The following SARDH variants were observed in gnomAD, a reference collection of about 807,000 sequenced individuals.
SARDH encodes sarcosine dehydrogenase.
A neutral mutation model predicts 109.1 loss-of-function variants in SARDH; 95 were observed. The ratio of observed to expected loss-of-function variants is 0.87; its 90% CI spans 0.74 to 1.03. SARDH has a LOEUF of 1.03. Ranked by LOEUF, SARDH falls within the 50% of genes least tolerant of loss-of-function variation. SARDH has a pLI of 0.00. For missense variants in SARDH, 1,267 were observed against 1,287.8 expected (o/e 0.98, Z 0.25); for synonymous variants, 572 against 534.8 (o/e 1.07, Z -0.96).
rs757458797 is a variant in SARDH, at chr9:133,663,932, G to A, written c.2714C>T (p.Ser905Leu). The A allele has an allele frequency of 1.3e-5, 21 of 1,614,034 alleles. No individual in the cohort carries two copies. The highest frequency in any genetic ancestry group is 2.2e-5 in the East Asian group (1 of 44,894). ...CCTCTTGTTGTTGGGGTCGAAGGGC[G>A]ACTTCAGGTGAGCCTGGGCACCATA... ...VTYGAQAHLK[S>L]PFDPNNKRVK... Residue 905 changes from serine to leucine, a missense_variant, in exon 21 of 21, where the codon TCG becomes TTG. Coordinates refer to ENST00000439388, the MANE Select transcript of SARDH (RefSeq NM_001134707.2).
At chr9:133,730,273 G>C in intron 4 of SARDH, 86 bp from the exon 5 acceptor site, 1 of 1,544,446 alleles carries the variant, frequency 6.5e-7, no homozygotes, top group Non-Finnish European at 8.8e-7. Flanking sequence ...CCTCCTCCCA[G>C]AGGGGAGCTG....
chr9:133,731,930 ACTGTCAGAT>A (rs1304485080), intron 3 of SARDH, among the ~76,000 whole-genome samples: 2 of 152,104 alleles, frequency 1.3e-5, no homozygotes, highest in East Asian at 3.9e-4. Context: ...CCTGTTTCAG[ACTGTCAGAT>A]AGACCACGCC....
downstream of SARDH, among the ~76,000 whole-genome samples, chr9:133,661,761 G>A (rs562503951): frequency 5.9e-5 from 9 of 152,258 alleles, no homozygotes; most frequent in South Asian, 1.2e-3. Context: ...GATTACAGGC[G>A]TCAGTCACTG....
chr9:133,732,732 C>T (rs1348093275), intron 2 of SARDH, 131 bp from the exon 3 acceptor site: 2 of 1,012,190 alleles, frequency 2.0e-6, no homozygotes, highest in African/African-American at 3.3e-5. Context: ...TCTGCAGGAC[C>T]TGGGGGGCCT....
chr9:133,711,931 G>A (rs1440606926), intron 10 of SARDH, among the ~76,000 whole-genome samples: 3 of 152,298 alleles, frequency 2.0e-5, no homozygotes, highest in East Asian at 1.9e-4. Flanking sequence ...CCCCCTTGCC[G>A]GGGAGCGCCT....
intron 16 of SARDH, among the ~76,000 whole-genome samples, chr9:133,688,950 G>A (rs1240368365): frequency 6.6e-6 from 1 of 152,226 alleles, no homozygotes; most frequent in Non-Finnish European, 1.5e-5. Flanking sequence ...GAGCACCACA[G>A]TGCATATGCT....
chr9:133,735,033 C>G (rs1054223251), intron 1 of SARDH, among the ~76,000 whole-genome samples: 1 of 152,078 alleles, frequency 6.6e-6, no homozygotes, highest in Non-Finnish European at 1.5e-5. Flanking sequence ...GAGACACTTG[C>G]GCTCCCAGAC....
At chr9:133,680,555 C>A (rs1285434286) in intron 17 of SARDH, among the ~76,000 whole-genome samples, 2 of 152,238 alleles carry the variant, frequency 1.3e-5, no homozygotes, top group African/African-American at 4.8e-5. Flanking sequence ...GGCCCAGAAC[C>A]TCTGCTCTCC....
chr9:133,684,170 A>G (rs1163160541), intron 17 of SARDH, among the ~76,000 whole-genome samples: 1 of 152,154 alleles, frequency 6.6e-6, no homozygotes, highest in African/African-American at 2.4e-5. Flanking sequence ...CCCCCAGCGG[A>G]CCCTTGGCCA....
At chr9:133,664,536 A>G (rs1829995992) in intron 20 of SARDH, among the ~76,000 whole-genome samples, 1 of 151,924 alleles carries the variant, frequency 6.6e-6, no homozygotes, top group Non-Finnish European at 1.5e-5. Flanking sequence ...CTTAGGCAGG[A>G]GGAGGGTGTC....
intron 6 of SARDH, among the ~76,000 whole-genome samples, chr9:133,729,060 T>C (rs1352313352): frequency 2.4e-5 from 3 of 122,990 alleles, no homozygotes; most frequent in South Asian, 5.5e-4. Flanking sequence ...GGGGGATGGG[T>C]GGAGGGATGA....
chr9:133,667,637 GT>G (rs1292985429), intron 19 of SARDH, among the ~76,000 whole-genome samples: 3 of 151,904 alleles, frequency 2.0e-5, no homozygotes, highest in Non-Finnish European at 4.4e-5. Flanking sequence ...GTAACATTTT[GT>G]TGCCAGTCTG....
At chr9:133,664,689 T>A (rs1480260455) in intron 20 of SARDH, among the ~76,000 whole-genome samples, 1 of 152,204 alleles carries the variant, frequency 6.6e-6, no homozygotes, top group African/African-American at 2.4e-5. Flanking sequence ...AGTCTCGGGC[T>A]CCGCTCTGGG....
intron 16 of SARDH, among the ~76,000 whole-genome samples, chr9:133,687,022 T>G (rs1830909676): frequency 6.6e-6 from 1 of 152,122 alleles, no homozygotes; most frequent in African/African-American, 2.4e-5. Context: ...CTCAGCAACC[T>G]CAGGGGAAGC....
intron 19 of SARDH, among the ~76,000 whole-genome samples, chr9:133,668,310 TCTCCCC>T (rs1830153465): frequency 6.3e-5 from 1 of 15,822 alleles, no homozygotes; most frequent in Admixed American, 5.3e-4. Context: ...TCTCCCTCCC[TCTCCCC>T]CACCCTCCCT....
At chr9:133,682,041 CCA>C (rs1295340349) in intron 17 of SARDH, among the ~76,000 whole-genome samples, 1 of 152,206 alleles carries the variant, frequency 6.6e-6, no homozygotes, top group Non-Finnish European at 1.5e-5. Flanking sequence ...GAAGAACACA[CCA>C]CAGAGTGACC....
Position 133,718,327 on chromosome 9 carries a change from C to T in SARDH, c.1020+611G>A, listed in dbSNP as rs536180460. 4.9e-4 allele frequency: 91 copies of T among 186,646 alleles called. No homozygotes were observed. The Middle Eastern group carries it at 7.1e-3, about 15-fold the overall frequency. 11.6% of individuals were successfully genotyped at this position (186,646 alleles called of 1,614,324 possible). On this transcript the variant is annotated intron_variant, in intron 7 of 20. Coordinates refer to ENST00000439388, the MANE Select transcript of SARDH (RefSeq NM_001134707.2). The surrounding 1 kb of genome is among the most constrained non-coding windows in gnomAD (Gnocchi z 4.2). Reference sequence around the variant, plus strand: ...CCTCAGGTGGTCCGCCCACCTCAGCCTCCCAAAGTGCTGGGATTACAGGTG... The same window carrying T: ...CCTCAGGTGGTCCGCCCACCTCAGCTTCCCAAAGTGCTGGGATTACAGGTG...
intron 13 of SARDH, among the ~76,000 whole-genome samples, chr9:133,697,459 A>G (rs1831325368): frequency 6.6e-6 from 1 of 152,250 alleles, no homozygotes; most frequent in South Asian, 2.1e-4. Flanking sequence ...AAAAGCAGAA[A>G]AAGATATTAT....
chr9:133,738,984 C>T (rs963182958), upstream of SARDH, among the ~76,000 whole-genome samples: 4 of 152,230 alleles, frequency 2.6e-5, no homozygotes, highest in African/African-American at 9.6e-5. Flanking sequence ...TTCCAGCCTC[C>T]ATTGACTGTT....
Sources: gnomAD v4.1 joint callset for allele counts (sites outside exome capture counted in the v4.1 genomes callset) on GRCh38, gnomAD v4.1.1 for gene constraint, Gnocchi (gnomAD v3.1) non-coding constraint, MANE v1.5 for transcripts, NCBI Gene and HGNC (gene_info 2026-07-23, HGNC 2026-07-21) for gene names.